ZFP92: variants seen among roughly 807,000 people sequenced by gnomAD.
ZFP92 encodes the protein zinc finger protein 92 homolog.
ZFP92 carries 2 observed loss-of-function variants against 7.6 expected under a neutral mutation model. The ratio of observed to expected loss-of-function variants is 0.26; its 90% CI spans 0.11 to 0.83. The LOEUF (loss-of-function observed/expected upper bound fraction) is 0.83, where lower values mean the gene tolerates loss of function less well. ZFP92 is among the 40% of genes least tolerant of loss of function. The pLI, the probability that ZFP92 is intolerant of heterozygous loss-of-function variation, is 0.65. For missense variants in ZFP92, 324 were observed against 408.3 expected (o/e 0.79, Z 1.78); for synonymous variants, 226 against 183.6 (o/e 1.23, Z -1.87).
chrX:153,423,871 G>C lies in ZFP92; in HGVS notation c.*2243G>C, dbSNP rs1425581111. On this transcript the variant is annotated 3_prime_UTR_variant, in exon 6 of 6. Transcript: ENST00000338647. Reference sequence around the variant, plus strand: ...AGAAATGCAATCCTCGTGCAGAGTAGGTGCCTGTGGCAGGAGGCCATGCAA... The same window carrying C: ...AGAAATGCAATCCTCGTGCAGAGTACGTGCCTGTGGCAGGAGGCCATGCAA... 8.8e-6 allele frequency: 1 copy of C among 113,873 alleles called. No individual in the cohort carries two copies. The highest frequency in any genetic ancestry group is 3.2e-5 in the African/African-American group (1 of 31,428). The allele number at this position is 113,873 out of a possible 1,213,427, so 9.4% of individuals were successfully genotyped here. A position where few individuals can be genotyped will look rare whatever the true frequency, so the allele number is the denominator to read the frequency against.
intron 3 of ZFP92, among the ~76,000 whole-genome samples, 153 bp downstream of exon 3, chrX:153,418,508 C>T (rs531410560): frequency 2.7e-5 from 3 of 111,770 alleles, no homozygotes; most frequent in African/African-American, 6.5e-5. Flanking sequence ...CTGCCTCTGT[C>T]GGCTGTGCTG....
chrX:153,417,083 C>T (rs1372446465), intron 2 of ZFP92, among the ~76,000 whole-genome samples: 2 of 112,377 alleles, frequency 1.8e-5, no homozygotes, highest in Non-Finnish European at 3.8e-5. Context: ...CAAATTGCAA[C>T]GTGACGTGTG....
At chrX:153,411,755 C>T (rs1426467837) in intron 1 of ZFP92, among the ~76,000 whole-genome samples, 52 bp downstream of exon 1, 1 of 112,569 alleles carries the variant, frequency 8.9e-6, no homozygotes, top group Non-Finnish European at 1.9e-5. Context: ...GTAAGGGGCC[C>T]GTCTCGGCAG....
Position 153,422,908 on chromosome X carries a change from A to T in ZFP92, c.*1280A>T, listed in dbSNP as rs2089016141. On this transcript the variant is annotated 3_prime_UTR_variant, in exon 6 of 6. Coordinates refer to ENST00000338647, the MANE Select transcript of ZFP92 (RefSeq NM_001136273.2). ...CAGGCAGGAGAAAGGGGGCCACCCC[A>T]GGCCTGCCCCCAGATGAGTGTGGTG... 1 of 112,590 alleles carries T rather than the reference A, an allele frequency of 8.9e-6. No individual in the cohort carries two copies. The highest frequency in any genetic ancestry group is 3.2e-5 in the African/African-American group (1 of 30,954). The allele number at this position is 112,590 out of a possible 1,213,427, so 9.3% of individuals were successfully genotyped here.
intron 1 of ZFP92, among the ~76,000 whole-genome samples, 63 bp from the exon 2 acceptor site, chrX:153,411,902 C>A (rs782107774): frequency 2.7e-5 from 3 of 112,392 alleles, no homozygotes. Context: ...GAAGAGCCAT[C>A]CAGGGCTGGG....
At chrX:153,419,136 T>C (rs1425466167) in intron 4 of ZFP92, among the ~76,000 whole-genome samples, 6 of 113,131 alleles carry the variant, frequency 5.3e-5, no homozygotes, top group African/African-American at 1.9e-4. Flanking sequence ...TTATGTGCAC[T>C]CTTTTAGACT....
At chrX:153,417,670 G>A (rs2088964019) in intron 2 of ZFP92, among the ~76,000 whole-genome samples, 1 of 111,861 alleles carries the variant, frequency 8.9e-6, no homozygotes. Flanking sequence ...TCGAAAGCCT[G>A]GTCAGGCGAG....
chrX:153,418,960 G>T (rs1430132365), intron 4 of ZFP92, among the ~76,000 whole-genome samples, 161 bp downstream of exon 4: 4 of 112,540 alleles, frequency 3.6e-5, no homozygotes, highest in Non-Finnish European at 1.9e-5. Context: ...CAGGCCAGCC[G>T]CCATCTCAGT....
At position 153,420,887 on chromosome X, in the gene ZFP92, C is replaced by T. The variant is rs782246028; in HGVS notation, c.510C>T (p.His170=). 4.2e-6 allele frequency: 5 copies of T among 1,189,418 alleles called. No homozygotes were observed. Among genetic ancestry groups the T allele is most frequent in the African/African-American group, 1.7e-5 (1 of 57,391 alleles). The change falls in exon 6 of 6, where the codon CAC becomes CAT. Residue 170 remains histidine (H), a synonymous_variant. Coordinates refer to ENST00000338647, the MANE Select transcript of ZFP92 (RefSeq NM_001136273.2). ...GCCGCAGCTCCAACCTCATCAAGCA[C>T]CGCATCATCCACAGTGGCGAGAAGC... The part of the protein sequence containing the change: ...AFSRSSNLIK[H]RIIHSGEKPY...
At chrX:153,415,945 T>C (rs1941306130) in intron 2 of ZFP92, among the ~76,000 whole-genome samples, 1 of 111,206 alleles carries the variant, frequency 9.0e-6, no homozygotes, top group Non-Finnish European at 1.9e-5. Flanking sequence ...CTTTGACGAC[T>C]CTCTCATTTA....
At position 153,422,240 on chromosome X, in the gene ZFP92, A is replaced by G. The variant is rs782736928; in HGVS notation, c.*612A>G. On this transcript the variant is annotated 3_prime_UTR_variant, in exon 6 of 6. Coordinates refer to ENST00000338647, the MANE Select transcript of ZFP92 (RefSeq NM_001136273.2). ...TTATATTGCAGGTGGGGGAGGCGCT[A>G]AAGTTAGCACAGAGGCAAGAGGCTC... is the stretch of plus-strand genomic sequence containing the variant. 1.8e-5 allele frequency: 2 copies of G among 111,627 alleles called. No individual in the cohort carries two copies. Among genetic ancestry groups the G allele is most frequent in the African/African-American group, 6.5e-5 (2 of 30,744 alleles). 9.2% of individuals were successfully genotyped at this position (111,627 alleles called of 1,213,427 possible).
rs1358153887 is a variant in ZFP92, at chrX:153,424,268, G to C, written c.*2640G>C. The C allele has an allele frequency of 8.9e-6, 1 of 111,750 alleles. No homozygotes were observed. The highest frequency in any genetic ancestry group is 1.9e-5 in the Non-Finnish European group (1 of 53,146). The allele number at this position is 111,750 out of a possible 1,213,427, so 9.2% of individuals were successfully genotyped here. Reference sequence around the variant, plus strand: ...TTCCAGGGTCCCCAGTGCTTACTTAGATAAATGGCATTTAAAATAGTGCAG... The same window carrying C: ...TTCCAGGGTCCCCAGTGCTTACTTACATAAATGGCATTTAAAATAGTGCAG... On this transcript the variant is annotated 3_prime_UTR_variant, in exon 6 of 6. Transcript: ENST00000338647.
chrX:153,415,587 G>A lies in ZFP92; in HGVS notation c.-18-2718G>A, dbSNP rs781965865. Among the ~76,000 whole-genome samples, 3 of 111,912 alleles carry A rather than the reference G, an allele frequency of 2.7e-5. No homozygotes were observed. The South Asian group carries it at 1.1e-3, about 42-fold the overall frequency. On this transcript the variant is annotated intron_variant, in intron 2 of 5. Coordinates refer to ENST00000338647, the MANE Select transcript of ZFP92 (RefSeq NM_001136273.2). ...GCGCAAGGGTTTGTGTGAACCACCTGTTTTCAATTCTTTGGGGGTATATAC... is the reference window on the plus strand; with the variant it reads ...GCGCAAGGGTTTGTGTGAACCACCTATTTTCAATTCTTTGGGGGTATATAC...
intron 2 of ZFP92, among the ~76,000 whole-genome samples, chrX:153,415,383 G>A (rs1216521896): frequency 8.9e-6 from 1 of 112,567 alleles, no homozygotes; most frequent in Non-Finnish European, 1.9e-5. Flanking sequence ...CTTTCACTGA[G>A]CAGTGTCCTC....
At position 153,417,894 on chromosome X, in the gene ZFP92, G is replaced by T. The variant is rs782233716; in HGVS notation, c.-18-411G>T. Among the ~76,000 whole-genome samples the T allele has an allele frequency of 8.0e-5, 9 of 112,021 alleles. No individual in the cohort carries two copies. The South Asian group carries it at 3.4e-3, about 42-fold the overall frequency. On this transcript the variant is annotated intron_variant, in intron 2 of 5. Coordinates refer to ENST00000338647, the MANE Select transcript of ZFP92 (RefSeq NM_001136273.2). ...AATCCAGTGATTGGCATTCACAACA[G>T]ACCAGGGAAATTGGGACACAGACAC...
intron 2 of ZFP92, among the ~76,000 whole-genome samples, chrX:153,416,322 G>T (rs373600512): frequency 1.8e-4 from 20 of 111,778 alleles, no homozygotes; most frequent in African/African-American, 6.5e-4. Flanking sequence ...TCACAGGATG[G>T]CATTTTGATA....
intron 4 of ZFP92, 71 bp from the exon 5 acceptor site, chrX:153,420,157 A>G: frequency 1.3e-6 from 1 of 791,128 alleles, no homozygotes; most frequent in Non-Finnish European, 1.8e-6. Context: ...GATATTGAGA[A>G]TTGCCTGAGT....
At chrX:153,417,931 G>C (rs782585547) in intron 2 of ZFP92, among the ~76,000 whole-genome samples, 11 of 111,895 alleles carry the variant, frequency 9.8e-5, no homozygotes, top group Middle Eastern at 4.6e-3. Flanking sequence ...CACAGAGAGA[G>C]GATGGCCACA....
Position 153,423,444 on chromosome X carries a change from GT to G in ZFP92, c.*1820del, listed in dbSNP as rs2124302888. On this transcript the variant is annotated 3_prime_UTR_variant, in exon 6 of 6. Transcript: ENST00000338647. ...CACACACACACACACGATATATATA[GT>G]TTTATGAAAACTTCTAGAGTTCTTG... The G allele has an allele frequency of 9.3e-6, 1 of 107,154 alleles. No homozygotes were observed. The highest frequency in any genetic ancestry group is 2.9e-4 in the East Asian group (1 of 3,399). 8.8% of individuals were successfully genotyped at this position (107,154 alleles called of 1,213,427 possible).
Sources: allele counts gnomAD v4.1 joint callset (sites outside exome capture counted in the v4.1 genomes callset), GRCh38; gene constraint gnomAD v4.1.1; transcripts MANE v1.5; gene names NCBI Gene and HGNC (gene_info 2026-07-23, HGNC 2026-07-21).